The following AGPAT3 variants were observed in gnomAD, a reference collection of about 807,000 sequenced individuals.
AGPAT3 encodes the protein 1-acylglycerol-3-phosphate O-acyltransferase 3, also known as 1-acyl-sn-glycerol-3-phosphate acyltransferase gamma.
AGPAT3 carries 5 observed loss-of-function variants against 47.3 expected under a neutral mutation model. That is an observed-to-expected ratio of 0.11 (90% CI 0.06 to 0.22). AGPAT3 has a LOEUF of 0.22. AGPAT3 is among the 10% of genes least tolerant of loss of function. The pLI is 1.00. For synonymous variants in AGPAT3, 212 were observed against 208.3 expected (o/e 1.02, Z -0.15); for missense variants, 315 against 493.0 (o/e 0.64, Z 3.42).
chr21:43,885,336 A>G (rs1190044780), intron 1 of AGPAT3, among the ~76,000 whole-genome samples: 1 of 152,098 alleles, frequency 6.6e-6, no homozygotes, highest in Non-Finnish European at 1.5e-5. Flanking sequence ...TTCTTGAACA[A>G]ATAACTTTCA....
chr21:43,941,660 A>G (rs1601370442), intron 2 of AGPAT3, among the ~76,000 whole-genome samples: 1 of 152,252 alleles, frequency 6.6e-6, no homozygotes, highest in African/African-American at 2.4e-5. Flanking sequence ...CCAAAACCCC[A>G]GGAGCAACCG....
intron 1 of AGPAT3, among the ~76,000 whole-genome samples, chr21:43,878,243 CT>C (rs1268091251): frequency 6.6e-6 from 1 of 152,238 alleles, no homozygotes; most frequent in African/African-American, 2.4e-5. Context: ...ACACTTTCTC[CT>C]TTTGCCTGGT....
chr21:43,899,397 C>CT (rs2086299688), intron 1 of AGPAT3, among the ~76,000 whole-genome samples: 1 of 152,168 alleles, frequency 6.6e-6, no homozygotes, highest in African/African-American at 2.4e-5. Flanking sequence ...AACCTTTGTG[C>CT]TACAAAGGAC....
At position 43,985,240 on chromosome 21, in the gene AGPAT3, T is replaced by C; in HGVS notation, c.*2848T>C. On this transcript the variant is annotated 3_prime_UTR_variant, in exon 10 of 10. Coordinates refer to ENST00000291572, the MANE Select transcript of AGPAT3 (RefSeq NM_020132.5). The stretch of plus-strand genomic sequence containing the variant: ...CATCGTCTTCCCCCGTGTGAGACAC[T>C]GGTTGTCTGGTACTCGGCGACAGTG... 2.2e-6 allele frequency: 1 copy of C among 456,280 alleles called. No individual in the cohort carries two copies. Among genetic ancestry groups the C allele is most frequent in the Non-Finnish European group, 4.4e-6 (1 of 226,956 alleles). 28.3% of individuals were successfully genotyped at this position (456,280 alleles called of 1,614,324 possible). A position where few individuals can be genotyped will look rare whatever the true frequency, so the allele number is the denominator to read the frequency against.
At chr21:43,937,573 GT>G in intron 2 of AGPAT3, among the ~76,000 whole-genome samples, 1 of 152,128 alleles carries the variant, frequency 6.6e-6, no homozygotes, top group South Asian at 2.1e-4. Flanking sequence ...GTTTTGTTTT[GT>G]TTTTCTGGAG....
chr21:43,907,088 A>G (rs748007373), intron 2 of AGPAT3, among the ~76,000 whole-genome samples: 10 of 148,568 alleles, frequency 6.7e-5, no homozygotes, highest in Admixed American at 1.3e-4. Flanking sequence ...CTGGAGCTCA[A>G]TGACGCGATC....
intron 1 of AGPAT3, among the ~76,000 whole-genome samples, chr21:43,899,922 G>A (rs1019788468): frequency 6.6e-6 from 1 of 152,192 alleles, no homozygotes; most frequent in African/African-American, 2.4e-5. Context: ...TGTCTCAGGT[G>A]CTGTCAGTAC....
chr21:43,971,336 G>C, intron 6 of AGPAT3, 52 bp from the exon 7 acceptor site: 2 of 1,547,482 alleles, frequency 1.3e-6, no homozygotes, highest in African/African-American at 1.4e-5. Flanking sequence ...CTCTGGCAGT[G>C]ACCATGCAGC....
chr21:43,877,547 A>T (rs1053292464), intron 1 of AGPAT3, among the ~76,000 whole-genome samples: 1 of 151,998 alleles, frequency 6.6e-6, no homozygotes, highest in African/African-American at 2.4e-5. Context: ...GGTTCAAGTG[A>T]TTCTCCTGCC....
chr21:43,946,400 G>T (rs1158049869), intron 2 of AGPAT3, among the ~76,000 whole-genome samples: 1 of 152,140 alleles, frequency 6.6e-6, no homozygotes, highest in African/African-American at 2.4e-5. Context: ...AAGAGTTCGA[G>T]ATCAGCCTGG....
intron 1 of AGPAT3, among the ~76,000 whole-genome samples, chr21:43,878,275 T>G (rs1295082657): frequency 6.6e-6 from 1 of 152,238 alleles, no homozygotes; most frequent in East Asian, 1.9e-4. Flanking sequence ...TGGATGTCAC[T>G]TTGCCGAGGT....
At position 43,922,257 on chromosome 21, in the gene AGPAT3, G is replaced by A. The variant is rs988077032; in HGVS notation, c.-49+18238G>A. Among the ~76,000 whole-genome samples, 3 of 152,136 alleles carry A rather than the reference G, an allele frequency of 2.0e-5. No individual in the cohort carries two copies. The highest frequency in any genetic ancestry group is 2.4e-5 in the African/African-American group (1 of 41,420). ...CCTGGGGACGAGGAGTGGATGTGAC[G>A]GAGGAGGCTCCTGTTCTTGTGGGGG... On this transcript the variant is annotated intron_variant, in intron 2 of 9. Transcript: ENST00000291572. This position sits in a 1 kb window ranked among gnomAD's most constrained non-coding sequence, Gnocchi z 4.9.
Position 43,922,849 on chromosome 21 carries a change from CT to C in AGPAT3, c.-49+18831del, listed in dbSNP as rs1455864861. On this transcript the variant is annotated intron_variant, in intron 2 of 9. Coordinates refer to ENST00000291572, the MANE Select transcript of AGPAT3 (RefSeq NM_020132.5). This position sits in a 1 kb window ranked among gnomAD's most constrained non-coding sequence, Gnocchi z 4.9. Reference sequence around the variant, plus strand: ...CATGAGGATTGGCTGCATTTTTTCGCTGTGTGATGTGACTGGCTGCCCAGTG... The same window carrying C: ...CATGAGGATTGGCTGCATTTTTTCGCGTGTGATGTGACTGGCTGCCCAGTG... 2.0e-5 allele frequency among the ~76,000 whole-genome samples: 3 copies of C among 152,172 alleles called. No individual in the cohort carries two copies. Among genetic ancestry groups the C allele is most frequent in the Non-Finnish European group, 2.9e-5 (2 of 68,018 alleles).
chr21:43,941,531 A>T (rs1169045903), intron 2 of AGPAT3, among the ~76,000 whole-genome samples: 2 of 152,224 alleles, frequency 1.3e-5, no homozygotes, highest in African/African-American at 2.4e-5. Flanking sequence ...TGGGCAACAG[A>T]GCGAGACCCC....
At position 43,905,419 on chromosome 21, in the gene AGPAT3, A is replaced by T. The variant is rs904756728; in HGVS notation, c.-49+1400A>T. ...TGGCCAGGATGGTCTCTATTGCTTGACCTCGTGATCCACCTGCCTCGGCCT... is the reference window on the plus strand; with the variant it reads ...TGGCCAGGATGGTCTCTATTGCTTGTCCTCGTGATCCACCTGCCTCGGCCT... On this transcript the variant is annotated intron_variant, in intron 2 of 9. Transcript: ENST00000291572. Among the ~76,000 whole-genome samples the T allele has an allele frequency of 2.0e-5, 3 of 151,304 alleles. No homozygotes were observed. In the East Asian group the frequency reaches 5.8e-4, roughly 29 times the overall value.
chr21:43,961,292 A>T (rs928535721), intron 3 of AGPAT3, among the ~76,000 whole-genome samples: 1 of 152,190 alleles, frequency 6.6e-6, no homozygotes, highest in Non-Finnish European at 1.5e-5. Flanking sequence ...GCGCATAGAC[A>T]CTTCGTCTCA....
At chr21:43,975,493 TG>T (rs1341378767) in intron 7 of AGPAT3, among the ~76,000 whole-genome samples, 1 of 152,128 alleles carries the variant, frequency 6.6e-6, no homozygotes. Context: ...GATCCATAGG[TG>T]GAATCCTCAT....
At chr21:43,898,583 G>A (rs2086280312) in intron 1 of AGPAT3, among the ~76,000 whole-genome samples, 1 of 152,144 alleles carries the variant, frequency 6.6e-6, no homozygotes, top group South Asian at 2.1e-4. Context: ...CTGGAGTGCA[G>A]TGGGCCAATC....
At chr21:43,888,550 A>G (rs985374797) in intron 1 of AGPAT3, among the ~76,000 whole-genome samples, 6 of 152,328 alleles carry the variant, frequency 3.9e-5, no homozygotes, top group African/African-American at 1.4e-4. Flanking sequence ...AAAGTTGAAG[A>G]AAAAAAGAAA....
Sources: allele counts gnomAD v4.1 joint callset (sites outside exome capture counted in the v4.1 genomes callset), GRCh38; gene constraint gnomAD v4.1.1; non-coding constraint Gnocchi (gnomAD v3.1); transcripts MANE v1.5; gene names NCBI Gene and HGNC (gene_info 2026-07-23, HGNC 2026-07-21).